Variants in ASIC2 observed in about 807,000 individuals in gnomAD.
The protein encoded by ASIC2 is acid sensing ion channel subunit 2.
In ASIC2, 25 loss-of-function variants were observed where a neutral mutation model predicts 57.3. That is an observed-to-expected ratio of 0.44 (90% CI 0.32 to 0.61). ASIC2 has a LOEUF of 0.61. ASIC2 is among the 20% of genes least tolerant of loss of function. The probability of loss-of-function intolerance (pLI) is 0.06; values close to 1 mark genes in which losing one functional copy is unlikely to be tolerated. For missense variants in ASIC2, 641 were observed against 738.1 expected (o/e 0.87, Z 1.52); for synonymous variants, 319 against 307.5 (o/e 1.04, Z -0.39).
intron 1 of ASIC2, among the ~76,000 whole-genome samples, chr17:33,813,017 G>C (rs1179548278): frequency 6.6e-6 from 1 of 152,160 alleles, no homozygotes; most frequent in Non-Finnish European, 1.5e-5. Context: ...ATCCTCATCT[G>C]GTGCCAGGGC....
At chr17:33,179,647 C>A (rs1019577007) in intron 1 of ASIC2, among the ~76,000 whole-genome samples, 1 of 152,206 alleles carries the variant, frequency 6.6e-6, no homozygotes, top group African/African-American at 2.4e-5. Flanking sequence ...CTCCTTACAA[C>A]CCCACAGGTA....
intron 3 of ASIC2, among the ~76,000 whole-genome samples, chr17:33,084,285 G>A (rs1237598823): frequency 1.3e-5 from 2 of 152,192 alleles, no homozygotes; most frequent in East Asian, 3.8e-4. Context: ...TGACACAGCA[G>A]GACTAGAATC....
At chr17:34,030,557 C>A (rs2142036362) in intron 1 of ASIC2, among the ~76,000 whole-genome samples, 1 of 152,338 alleles carries the variant, frequency 6.6e-6, no homozygotes, top group African/African-American at 2.4e-5. Flanking sequence ...TAGGGCGAGG[C>A]ATCGCCTCAC....
At chr17:33,228,504 G>T (rs901747006) in intron 1 of ASIC2, among the ~76,000 whole-genome samples, 1 of 152,216 alleles carries the variant, frequency 6.6e-6, no homozygotes, top group Non-Finnish European at 1.5e-5. Flanking sequence ...ACGTCCATGT[G>T]GTGTGAGTGC....
At chr17:33,585,184 G>A (rs1464932936) in intron 1 of ASIC2, among the ~76,000 whole-genome samples, 1 of 152,046 alleles carries the variant, frequency 6.6e-6, no homozygotes, top group East Asian at 1.9e-4. Context: ...TGAGTCTTGA[G>A]CTCTCCAGTC....
At chr17:33,893,036 A>G (rs1039308086) in intron 1 of ASIC2, among the ~76,000 whole-genome samples, 1 of 152,216 alleles carries the variant, frequency 6.6e-6, no homozygotes, top group Non-Finnish European at 1.5e-5. Flanking sequence ...AATTATAATA[A>G]ACACCAATTT....
chr17:33,667,392 G>C (rs180824867), intron 1 of ASIC2, among the ~76,000 whole-genome samples: 8 of 152,216 alleles, frequency 5.3e-5, no homozygotes, highest in African/African-American at 1.9e-4. Context: ...CAACGGAAGT[G>C]CATAGAACAC....
At chr17:34,024,456 G>C (rs1200649097) in intron 1 of ASIC2, among the ~76,000 whole-genome samples, 3 of 152,196 alleles carry the variant, frequency 2.0e-5, no homozygotes, top group Non-Finnish European at 4.4e-5. Context: ...GGCCCCAGGG[G>C]AAGGAAGGGT....
chr17:34,147,814 C>G (rs188172265), intron 1 of ASIC2, among the ~76,000 whole-genome samples: 3 of 152,280 alleles, frequency 2.0e-5, no homozygotes, highest in Admixed American at 2.0e-4. Context: ...TCTCTCTAGA[C>G]TCAGGTGGTA....
chr17:33,757,958 A>AAATT (rs1331524007), intron 1 of ASIC2, among the ~76,000 whole-genome samples: 1 of 152,216 alleles, frequency 6.6e-6, no homozygotes, highest in Non-Finnish European at 1.5e-5. Flanking sequence ...GCAAAAAGAG[A>AAATT]AATTAATTAA....
intron 1 of ASIC2, among the ~76,000 whole-genome samples, chr17:33,861,105 T>C (rs917200147): frequency 6.6e-6 from 1 of 152,138 alleles, no homozygotes; most frequent in African/African-American, 2.4e-5. Flanking sequence ...AGATATTAAA[T>C]AGAAGGAAAA....
chr17:33,982,506 C>T (rs775639134), intron 1 of ASIC2, among the ~76,000 whole-genome samples: 1 of 152,176 alleles, frequency 6.6e-6, no homozygotes, highest in Non-Finnish European at 1.5e-5. Flanking sequence ...TCCAGCGTTG[C>T]TATGGGTTCT....
intron 1 of ASIC2, among the ~76,000 whole-genome samples, chr17:34,030,441 T>C (rs932476888): frequency 1.3e-5 from 2 of 152,178 alleles, no homozygotes; most frequent in African/African-American, 2.4e-5. Flanking sequence ...ACGCAGAAGA[T>C]GGGTGATTTC....
chr17:33,880,481 C>G (rs1210519867), intron 1 of ASIC2, among the ~76,000 whole-genome samples: 2 of 152,208 alleles, frequency 1.3e-5, no homozygotes, highest in Non-Finnish European at 2.9e-5. Flanking sequence ...ATAAACACCT[C>G]TATGCAAATA....
At chr17:33,705,774 A>G (rs1457576354) in intron 1 of ASIC2, among the ~76,000 whole-genome samples, 1 of 152,176 alleles carries the variant, frequency 6.6e-6, no homozygotes, top group African/African-American at 2.4e-5. Context: ...CCAGAACTGT[A>G]GAATAAATTT....
intron 1 of ASIC2, chr17:34,155,780 G>A (rs1437963559): frequency 6.7e-6 from 4 of 597,618 alleles, no homozygotes; most frequent in Non-Finnish European, 1.2e-5. Flanking sequence ...TGATCTGACA[G>A]CAGTGCTCTA....
chr17:33,110,049 C>G (rs1054487212), intron 2 of ASIC2, among the ~76,000 whole-genome samples: 6 of 149,518 alleles, frequency 4.0e-5, no homozygotes, highest in East Asian at 3.9e-4. Flanking sequence ...ATGTGTGTGT[C>G]TGTGTGTGTG....
At chr17:33,382,689 G>A (rs1226099169) in intron 1 of ASIC2, among the ~76,000 whole-genome samples, 1 of 152,182 alleles carries the variant, frequency 6.6e-6, no homozygotes, top group Non-Finnish European at 1.5e-5. Flanking sequence ...GGATATTGAG[G>A]ATCAGAGAGG....
chr17:33,703,285 T>TA (rs757860006), intron 1 of ASIC2, among the ~76,000 whole-genome samples: 2 of 151,876 alleles, frequency 1.3e-5, no homozygotes, highest in Non-Finnish European at 2.9e-5. Flanking sequence ...TTTAATTAAT[T>TA]AAAATAGAGA....
Sources: gnomAD v4.1 joint callset for allele counts (sites outside exome capture counted in the v4.1 genomes callset) on GRCh38, gnomAD v4.1.1 for gene constraint, MANE v1.5 for transcripts, NCBI Gene and HGNC (gene_info 2026-07-23, HGNC 2026-07-21) for gene names.